Variants in PARD3B observed in about 807,000 individuals in gnomAD.
The protein encoded by PARD3B is par-3 family cell polarity regulator beta, also known as partitioning defective 3 homolog B.
Under a neutral mutation model 130.2 loss-of-function variants are expected in PARD3B, and 103 were observed. That is an observed-to-expected ratio of 0.79 (90% confidence interval 0.67 to 0.93). The LOEUF is 0.93. Among genes scored for constraint, PARD3B ranks in the 40% least tolerant of loss-of-function variants. The pLI, the probability that PARD3B is intolerant of heterozygous loss-of-function variation, is 0.00. For synonymous variants in PARD3B, 583 were observed against 553.2 expected, an observed-to-expected ratio of 1.05 and a Z score of -0.76; for missense variants, 1,609 against 1,499.2, an observed-to-expected ratio of 1.07 and a Z score of -1.21.
chr2:205,588,134 G>T (rs10432438), intron 22 of PARD3B, among the ~76,000 whole-genome samples: 35,415 of 152,088 alleles, frequency 0.23, 4,645 homozygotes, highest in Admixed American at 0.38. Flanking sequence ...AGAAAAGACA[G>T]TTCTCTATTT....
At chr2:204,851,634 T>A (rs1330833991) in intron 2 of PARD3B, among the ~76,000 whole-genome samples, 3 of 152,228 alleles carry the variant, frequency 2.0e-5, no homozygotes. Flanking sequence ...ATCTTGGACC[T>A]ATGTCATTAT....
intron 11 of PARD3B, among the ~76,000 whole-genome samples, chr2:205,170,341 C>A (rs1329146751): frequency 6.6e-6 from 1 of 152,090 alleles, no homozygotes; most frequent in Non-Finnish European, 1.5e-5. Flanking sequence ...ATCTCATTTC[C>A]AGACTTGCTT....
intron 1 of PARD3B, among the ~76,000 whole-genome samples, chr2:204,589,834 T>A (rs144062220): frequency 1.2e-4 from 18 of 152,348 alleles, no homozygotes; most frequent in African/African-American, 3.8e-4. Flanking sequence ...TTTAATTTGC[T>A]TTTGAGCAAA....
At chr2:204,959,152 T>C (rs1378105791) in intron 2 of PARD3B, among the ~76,000 whole-genome samples, 1 of 152,020 alleles carries the variant, frequency 6.6e-6, no homozygotes, top group African/African-American at 2.4e-5. Flanking sequence ...CGACAGGCCC[T>C]GGTGTGTGAT....
chr2:204,683,866 A>T (rs1473293958), intron 1 of PARD3B, among the ~76,000 whole-genome samples: 2 of 152,192 alleles, frequency 1.3e-5, no homozygotes, highest in African/African-American at 4.8e-5. Flanking sequence ...ATGTATCAAG[A>T]TACTTTTTTA....
chr2:205,285,675 C>T (rs2041368548), intron 16 of PARD3B, among the ~76,000 whole-genome samples: 1 of 152,172 alleles, frequency 6.6e-6, no homozygotes, highest in Non-Finnish European at 1.5e-5. Flanking sequence ...GTCTCCAGGA[C>T]CATCTCTGTT....
chr2:205,406,147 A>T lies in PARD3B; in HGVS notation c.2741+5024A>T, dbSNP rs770800503. 8.5e-5 allele frequency among the ~76,000 whole-genome samples: 13 copies of T among 152,236 alleles called. No individual in the cohort carries two copies. The South Asian group carries it at 2.3e-3, about 27-fold the overall frequency. On this transcript the variant is annotated intron_variant, in intron 19 of 22. Transcript: ENST00000406610. ...AGAATCAAGACTTTGTGGATTTCTC[A>T]TGCTTGAAGAACTGTCACATAGAGA...
At chr2:204,621,660 C>A (rs939330159) in intron 1 of PARD3B, among the ~76,000 whole-genome samples, 1 of 152,168 alleles carries the variant, frequency 6.6e-6, no homozygotes, top group African/African-American at 2.4e-5. Context: ...CAAAACATTT[C>A]TAGAAACCTT....
intron 2 of PARD3B, among the ~76,000 whole-genome samples, chr2:204,916,020 T>A (rs912357167): frequency 3.3e-5 from 5 of 152,218 alleles, no homozygotes; most frequent in Non-Finnish European, 7.3e-5. Flanking sequence ...AGTCATATTA[T>A]ATAGATGGCT....
chr2:204,715,862 A>G (rs184411342), intron 2 of PARD3B, among the ~76,000 whole-genome samples: 169 of 152,206 alleles, frequency 1.1e-3, no homozygotes, highest in African/African-American at 3.8e-3. Context: ...TCTTAAATTC[A>G]ATGTGTCATC....
intron 15 of PARD3B, among the ~76,000 whole-genome samples, chr2:205,224,219 A>C (rs537557381): frequency 6.8e-6 from 1 of 147,304 alleles, no homozygotes; most frequent in Non-Finnish European, 1.5e-5. Context: ...AAATACAAAA[A>C]AATTAGCCGG....
At chr2:205,432,862 A>AT (rs1244232263) in intron 19 of PARD3B, among the ~76,000 whole-genome samples, 1 of 151,976 alleles carries the variant, frequency 6.6e-6, no homozygotes, top group Non-Finnish European at 1.5e-5. Flanking sequence ...CTAAAAACAT[A>AT]TTTTTTCATA....
chr2:204,591,486 G>T (rs988923723), intron 1 of PARD3B, among the ~76,000 whole-genome samples: 17 of 152,198 alleles, frequency 1.1e-4, no homozygotes, highest in Non-Finnish European at 2.2e-4. Flanking sequence ...AATGCCCAGT[G>T]ATTATAAGTG....
rs2036456816 is a variant in PARD3B at position 205,192,648 on chromosome 2, T to C, written c.2025-557T>C. ...ATTGTCAACTGTGCTCTTCCTATTATTTCCTTTTGGCACTTTTGGTGAGCA... is the reference window on the plus strand; with the variant it reads ...ATTGTCAACTGTGCTCTTCCTATTACTTCCTTTTGGCACTTTTGGTGAGCA... On this transcript the variant is annotated intron_variant, in intron 14 of 22. Transcript: ENST00000406610. 2.0e-5 allele frequency among the ~76,000 whole-genome samples: 3 copies of C among 152,324 alleles called. No homozygotes were observed. The South Asian group carries it at 6.2e-4, about 32-fold the overall frequency.
At chr2:204,990,939 T>C (rs1423665850) in intron 3 of PARD3B, among the ~76,000 whole-genome samples, 2 of 152,200 alleles carry the variant, frequency 1.3e-5, no homozygotes, top group African/African-American at 4.8e-5. Context: ...CGTGATCAAT[T>C]GTCAGGCATC....
intron 1 of PARD3B, among the ~76,000 whole-genome samples, chr2:204,622,605 A>G (rs1419245263): frequency 6.6e-6 from 1 of 151,748 alleles, no homozygotes; most frequent in Non-Finnish European, 1.5e-5. Flanking sequence ...TTATATTTAT[A>G]TACTACTATT....
At chr2:204,707,535 AT>A (rs1185535456) in intron 2 of PARD3B, among the ~76,000 whole-genome samples, 2 of 152,186 alleles carry the variant, frequency 1.3e-5, no homozygotes, top group African/African-American at 4.8e-5. Context: ...TAGATGATGG[AT>A]AACTAAATAA....
rs140008235 is a variant in PARD3B at position 205,429,702 on chromosome 2, T to A, written c.2742-10668T>A. The stretch of plus-strand genomic sequence containing the variant: ...ATGACACAATTTGAAGCATATGTGC[T>A]TCCTTTAAGGTATTTATATTGGTTT... On this transcript the variant is annotated intron_variant, in intron 19 of 22. Transcript: ENST00000406610. Among the ~76,000 whole-genome samples the A allele has an allele frequency of 3.3e-3, 506 of 152,350 alleles. 5 individuals are homozygous for A. Among genetic ancestry groups the A allele is most frequent in the African/African-American group, 0.012 (480 of 41,582 alleles).
intron 1 of PARD3B, among the ~76,000 whole-genome samples, chr2:204,594,707 C>T (rs2033213293): frequency 6.6e-6 from 1 of 151,914 alleles, no homozygotes; most frequent in Admixed American, 6.5e-5. Context: ...TCTTTTTTTT[C>T]TCACTTCATA....
Sources: allele counts gnomAD v4.1 joint callset (sites outside exome capture counted in the v4.1 genomes callset), GRCh38; gene constraint gnomAD v4.1.1; transcripts MANE v1.5; gene names NCBI Gene and HGNC (gene_info 2026-07-23, HGNC 2026-07-21).